The following NAV3 variants were observed in gnomAD, a reference collection of about 807,000 sequenced individuals.
The protein encoded by NAV3 is pore membrane and/or filament interacting like protein 1.
NAV3 carries 87 observed loss-of-function variants against 244.7 expected under a neutral mutation model. The observed-to-expected ratio is 0.36, with a 90% confidence interval of 0.30 to 0.42. NAV3 has a LOEUF of 0.42. NAV3 is among the 20% of genes least tolerant of loss of function. The pLI, the probability that NAV3 is intolerant of heterozygous loss-of-function variation, is 1.00. For missense variants in NAV3, 2,663 were observed against 2,893.3 expected, an observed-to-expected ratio of 0.92 and a Z score of 1.83; for synonymous variants, 1,126 against 1,042.2, an observed-to-expected ratio of 1.08 and a Z score of -1.55.
At chr12:78,174,145 A>T (rs940228482) in intron 24 of NAV3, among the ~76,000 whole-genome samples, 1 of 151,782 alleles carries the variant, frequency 6.6e-6, no homozygotes, top group Non-Finnish European at 1.5e-5. Flanking sequence ...AAATGGACTA[A>T]AAGCAAATGT....
At chr12:77,925,692 G>A (rs939005595) in intron 1 of NAV3, among the ~76,000 whole-genome samples, 1 of 152,068 alleles carries the variant, frequency 6.6e-6, no homozygotes, top group Admixed American at 6.6e-5. Flanking sequence ...GGTCTTGCAG[G>A]TATGTGGATC....
chr12:78,070,409 T>TG (rs1366822283), intron 12 of NAV3, among the ~76,000 whole-genome samples: 9 of 152,042 alleles, frequency 5.9e-5, no homozygotes, highest in African/African-American at 2.2e-4. Flanking sequence ...GAAGTTTTTT[T>TG]TTTTTTTTTA....
intron 9 of NAV3, among the ~76,000 whole-genome samples, chr12:78,031,733 G>A (rs1479493703): frequency 1.6e-5 from 2 of 122,358 alleles, no homozygotes; most frequent in African/African-American, 6.3e-5. Flanking sequence ...TGGCGACTGT[G>A]GTGGGGTGGG....
chr12:78,161,260 G>T (rs1338865726), intron 23 of NAV3, among the ~76,000 whole-genome samples: 2 of 152,038 alleles, frequency 1.3e-5, no homozygotes, highest in African/African-American at 4.8e-5. Flanking sequence ...CATGTCACAT[G>T]CTAGGGGCTA....
At chr12:77,991,717 A>G (rs953499014) in intron 5 of NAV3, among the ~76,000 whole-genome samples, 1 of 152,168 alleles carries the variant, frequency 6.6e-6, no homozygotes, top group Admixed American at 6.5e-5. Context: ...AAGATAGTAG[A>G]ACAGAAACAC....
chr12:77,988,225 A>T (rs1276776511), intron 5 of NAV3, among the ~76,000 whole-genome samples: 1 of 152,176 alleles, frequency 6.6e-6, no homozygotes, highest in African/African-American at 2.4e-5. Context: ...GAGGTTCTAT[A>T]TTTCTAACAA....
At chr12:77,810,043 C>G (rs1872203555) in intron 2 of NAV3, among the ~76,000 whole-genome samples, 1 of 152,184 alleles carries the variant, frequency 6.6e-6, no homozygotes, top group African/African-American at 2.4e-5. Context: ...CCTGACTATT[C>G]AAACTATTCT....
At chr12:78,050,474 A>AATTTCC (rs1016513732) in intron 10 of NAV3, among the ~76,000 whole-genome samples, 3 of 152,190 alleles carry the variant, frequency 2.0e-5, no homozygotes, top group Non-Finnish European at 4.4e-5. Flanking sequence ...TAACTTTCAG[A>AATTTCC]ATAGGTCTGG....
At position 78,176,445 on chromosome 12, in the gene NAV3, T is replaced by C. The variant is rs756400295; in HGVS notation, c.5110T>C (p.Ser1704Pro). 1 of 1,612,718 alleles carries C rather than the reference T, an allele frequency of 6.2e-7. No individual in the cohort carries two copies. Among genetic ancestry groups the C allele is most frequent in the South Asian group, 1.1e-5 (1 of 91,002 alleles). The change falls in exon 26 of 40, where the codon TCT (serine) becomes CCT (proline). Residue 1704 changes from serine (S) to proline (P), a missense_variant. By Grantham distance (74) the Ser-to-Pro change is moderately conservative (BLOSUM62 -1). Coordinates refer to ENST00000397909, the MANE Select transcript of NAV3 (RefSeq NM_001024383.2). ...KKKKKKNWVNSRGSELRSSFK... is the reference protein window; with the variant it reads ...KKKKKKNWVNPRGSELRSSFK... The stretch of plus-strand genomic sequence containing the variant: ...TCTTTCATGTTTCTGCAAGGTGAAC[T>C]CTAGAGGAAGTGAGGTGAATATAAA...
At chr12:77,704,682 T>C (rs995607605) in intron 2 of NAV3, among the ~76,000 whole-genome samples, 1 of 151,620 alleles carries the variant, frequency 6.6e-6, no homozygotes, top group East Asian at 1.9e-4. Context: ...TGGAGTGAAA[T>C]GGACTCCACT....
chr12:77,924,509 C>T (rs1379548211), intron 1 of NAV3, among the ~76,000 whole-genome samples: 1 of 152,036 alleles, frequency 6.6e-6, no homozygotes, highest in Admixed American at 6.6e-5. Context: ...GGGGGACTTC[C>T]AGGCATGAGG....
intron 1 of NAV3, among the ~76,000 whole-genome samples, chr12:77,888,906 A>G (rs2887624): frequency 0.22 from 33,467 of 152,004 alleles, 4,311 homozygotes; most frequent in South Asian, 0.36. Context: ...ATCTTGTTCT[A>G]TATAATATGG....
rs1283671175 is a variant in NAV3, at chr12:77,856,656, T to G, written c.243+24952T>G. Among the ~76,000 whole-genome samples, 3 of 152,122 alleles carry G rather than the reference T, an allele frequency of 2.0e-5. No individual in the cohort carries two copies. The East Asian group carries it at 5.8e-4, about 29-fold the overall frequency. On this transcript the variant is annotated intron_variant, in intron 1 of 39. Transcript: ENST00000397909. ...AAATAATAAAATAACATTCTTAATATTAAATTATTTTACAATGGTTGTGAA... is the reference window on the plus strand; with the variant it reads ...AAATAATAAAATAACATTCTTAATAGTAAATTATTTTACAATGGTTGTGAA...
intron 2 of NAV3, among the ~76,000 whole-genome samples, chr12:77,817,953 C>T (rs1312117151): frequency 6.6e-6 from 1 of 151,986 alleles, no homozygotes; most frequent in Non-Finnish European, 1.5e-5. Context: ...TTGATTTTGC[C>T]ACTAGTTACT....
At chr12:77,723,491 A>G (rs886812227) in intron 2 of NAV3, among the ~76,000 whole-genome samples, 7 of 152,030 alleles carry the variant, frequency 4.6e-5, no homozygotes, top group East Asian at 1.9e-4. Flanking sequence ...TCTGCTGGCT[A>G]TTAAGAAGCC....
intron 20 of NAV3, chr12:78,143,534 G>A (rs540187981): frequency 2.2e-4 from 60 of 275,196 alleles, no homozygotes; most frequent in Non-Finnish European, 4.2e-4. Flanking sequence ...GGGAGGCTGA[G>A]GCAGGAGAAT....
chr12:77,752,762 C>T (rs1004472693), intron 2 of NAV3, among the ~76,000 whole-genome samples: 1 of 152,098 alleles, frequency 6.6e-6, no homozygotes, highest in Non-Finnish European at 1.5e-5. Flanking sequence ...CGACTGAATA[C>T]AGTGACTGAC....
chr12:78,149,266 A>G (rs939102242), intron 22 of NAV3, among the ~76,000 whole-genome samples: 2 of 152,106 alleles, frequency 1.3e-5, no homozygotes, highest in Non-Finnish European at 2.9e-5. Context: ...ACTTTGGAAG[A>G]TAAAATATTC....
chr12:77,910,237 C>T (rs993620738), intron 1 of NAV3, among the ~76,000 whole-genome samples: 2 of 152,028 alleles, frequency 1.3e-5, no homozygotes, highest in Non-Finnish European at 2.9e-5. Flanking sequence ...TTCTGATGAG[C>T]ACCTCAGGAA....
Sources: gnomAD v4.1 joint callset for allele counts (sites outside exome capture counted in the v4.1 genomes callset) on GRCh38, gnomAD v4.1.1 for gene constraint, MANE v1.5 for transcripts, NCBI Gene and HGNC (gene_info 2026-07-23, HGNC 2026-07-21) for gene names.